The following GADL1 variants were observed in gnomAD, a reference collection of about 807,000 sequenced individuals.
The protein encoded by GADL1 is GAD like acidic amino acid decarboxylase 1.
Under a neutral mutation model 69.5 loss-of-function variants are expected in GADL1, and 71 were observed. That is an observed-to-expected ratio of 1.02 (90% CI 0.84 to 1.25). The LOEUF (loss-of-function observed/expected upper bound fraction) is 1.25. GADL1 is among the 50% of genes most tolerant of loss of function. The probability of loss-of-function intolerance (pLI) is 0.00; values close to 1 mark genes in which losing one functional copy is unlikely to be tolerated. For synonymous variants in GADL1, 254 were observed against 214.4 expected (o/e 1.18, Z -1.62); for missense variants, 737 against 631.8 (o/e 1.17, Z -1.79).
Position 30,891,045 on chromosome 3 carries a change from C to CTTCCTTCCTTCCTTCT in GADL1, c.37+3532_37+3533insAGAAGGAAGGAAGGAA, listed in dbSNP as rs575761404. 5.9e-4 allele frequency among the ~76,000 whole-genome samples: 89 copies of CTTCCTTCCTTCCTTCT among 151,896 alleles called. 1 individual carries two copies. In the East Asian group the frequency reaches 0.017, roughly 28 times the overall value. On this transcript the variant is annotated intron_variant, in intron 1 of 14. Coordinates refer to ENST00000282538, the MANE Select transcript of GADL1 (RefSeq NM_207359.3). ...TTTACTTTGCATTCTTCCTTCCTTC[C>CTTCCTTCCTTCCTTCT]TTCCTTCCTTCCTTCCTGTGGTTAC... is the stretch of plus-strand genomic sequence containing the variant.
chr3:30,837,858 C>A (rs1697899285), intron 9 of GADL1, among the ~76,000 whole-genome samples: 1 of 152,036 alleles, frequency 6.6e-6, no homozygotes, highest in African/African-American at 2.4e-5. Context: ...ATGCTAAAAT[C>A]CCGTTAACGA....
intron 11 of GADL1, among the ~76,000 whole-genome samples, chr3:30,818,267 C>A (rs1369839211): frequency 6.6e-6 from 1 of 152,150 alleles, no homozygotes; most frequent in Non-Finnish European, 1.5e-5. Context: ...TGTGGAGGTG[C>A]CATATTTTAC....
At chr3:30,885,477 T>C (rs1698690910) in intron 1 of GADL1, among the ~76,000 whole-genome samples, 1 of 152,106 alleles carries the variant, frequency 6.6e-6, no homozygotes, top group South Asian at 2.1e-4. Flanking sequence ...AAACAAAAGC[T>C]TCATCCCCAC....
intron 5 of GADL1, 148 bp from the exon 6 acceptor site, chr3:30,850,259 T>C: frequency 4.8e-6 from 3 of 629,270 alleles, no homozygotes; most frequent in East Asian, 2.8e-5. Context: ...ACCTCCCTGC[T>C]CCCATTATTC....
chr3:30,865,127 CTT>C (rs1380537796), intron 1 of GADL1, among the ~76,000 whole-genome samples: 1 of 151,868 alleles, frequency 6.6e-6, no homozygotes, highest in Non-Finnish European at 1.5e-5. Flanking sequence ...CATCTGTGGT[CTT>C]TTTCACCATG....
intron 12 of GADL1, among the ~76,000 whole-genome samples, chr3:30,794,688 T>A (rs1029073750): frequency 1.3e-5 from 2 of 152,210 alleles, no homozygotes; most frequent in African/African-American, 4.8e-5. Context: ...CTTAGAGGTC[T>A]CCTAGGCACT....
chr3:30,774,212 G>T (rs1165242635), intron 14 of GADL1, among the ~76,000 whole-genome samples: 1 of 152,122 alleles, frequency 6.6e-6, no homozygotes, highest in African/African-American at 2.4e-5. Context: ...GGAAACCAGA[G>T]GTGTCAGCTG....
rs963368162 is a variant in GADL1 at position 30,834,243 on chromosome 3, G to T, written c.942C>A (p.His314Gln). 1.7e-5 allele frequency: 27 copies of T among 1,612,766 alleles called. No individual in the cohort carries two copies. The highest frequency in any genetic ancestry group is 2.2e-5 in the Non-Finnish European group (26 of 1,179,236). ...WGGSALMSRKHRKLLHGIHRA... is the reference protein window; with the variant it reads ...WGGSALMSRKQRKLLHGIHRA... ...TGTGGATGCCATGCAGAAGCTTGCG[G>T]TGCTTCCTCGACATCAAAGCTGAGC... The change falls in exon 10 of 15, where the codon CAC becomes CAA. Residue 314 changes from histidine to glutamine, a missense_variant. Coordinates refer to ENST00000282538, the MANE Select transcript of GADL1 (RefSeq NM_207359.3).
At chr3:30,764,501 T>C (rs7631666) in intron 14 of GADL1, among the ~76,000 whole-genome samples, 66,968 of 152,018 alleles carry the variant, frequency 0.44, 14,754 homozygotes, top group African/African-American at 0.46. Context: ...TTACATTTTC[T>C]TTCCAACTCT....
chr3:30,883,877 AT>A (rs879923246), intron 1 of GADL1, among the ~76,000 whole-genome samples: 1 of 151,880 alleles, frequency 6.6e-6, no homozygotes, highest in Non-Finnish European at 1.5e-5. Context: ...GTTTGTTACT[AT>A]TTTTTATGCT....
At chr3:30,739,010 G>A (rs1249585091) in intron 14 of GADL1, among the ~76,000 whole-genome samples, 1 of 152,116 alleles carries the variant, frequency 6.6e-6, no homozygotes, top group Non-Finnish European at 1.5e-5. Context: ...GACAGCCAAC[G>A]AGGCTCTTCT....
At chr3:30,840,574 T>G (rs1271215543) in intron 8 of GADL1, among the ~76,000 whole-genome samples, 14 of 152,208 alleles carry the variant, frequency 9.2e-5, no homozygotes, top group Non-Finnish European at 7.3e-5. Flanking sequence ...TTAAAATCAT[T>G]AAAAGCAATA....
chr3:30,842,723 C>T (rs1452270578), intron 8 of GADL1, among the ~76,000 whole-genome samples: 1 of 147,754 alleles, frequency 6.8e-6, no homozygotes, highest in East Asian at 2.0e-4. Flanking sequence ...CTCAGCAGAA[C>T]GAACTTACAA....
chr3:30,729,000 A>G (rs1351451369), intron 14 of GADL1, among the ~76,000 whole-genome samples: 2 of 152,180 alleles, frequency 1.3e-5, no homozygotes, highest in African/African-American at 4.8e-5. Flanking sequence ...TTTTCATCCT[A>G]GAAAAAAAGA....
chr3:30,849,942 T>C, intron 6 of GADL1, 54 bp downstream of exon 6: 1 of 1,064,268 alleles, frequency 9.4e-7, no homozygotes, highest in East Asian at 2.4e-5. Flanking sequence ...AACAAAGCCC[T>C]CTTAAATATG....
At chr3:30,772,211 G>A (rs1289342206) in intron 14 of GADL1, among the ~76,000 whole-genome samples, 3 of 152,178 alleles carry the variant, frequency 2.0e-5, no homozygotes, top group African/African-American at 7.2e-5. Context: ...CTATTAAGGA[G>A]AAAGGAGCCT....
At chr3:30,883,154 TGTA>T (rs1698663850) in intron 1 of GADL1, among the ~76,000 whole-genome samples, 1 of 152,020 alleles carries the variant, frequency 6.6e-6, no homozygotes, top group African/African-American at 2.4e-5. Flanking sequence ...TTACGTGTGA[TGTA>T]GTCTCATTTG....
chr3:30,893,719 G>A (rs1187308289), intron 1 of GADL1, among the ~76,000 whole-genome samples: 1 of 152,134 alleles, frequency 6.6e-6, no homozygotes, highest in African/African-American at 2.4e-5. Flanking sequence ...TCAGCCAAAT[G>A]GTTTCTGCCT....
intron 3 of GADL1, among the ~76,000 whole-genome samples, chr3:30,855,038 T>A (rs187483368): frequency 2.6e-5 from 4 of 152,216 alleles, no homozygotes; most frequent in Admixed American, 2.6e-4. Context: ...TCTGGAGTGC[T>A]AGAATTGGTC....
Sources: gnomAD v4.1 joint callset for allele counts (sites outside exome capture counted in the v4.1 genomes callset) on GRCh38, gnomAD v4.1.1 for gene constraint, MANE v1.5 for transcripts, NCBI Gene and HGNC (gene_info 2026-07-23, HGNC 2026-07-21) for gene names.